CNTNAP5: variants seen among roughly 807,000 people sequenced by gnomAD.
CNTNAP5 encodes the protein contactin associated protein family member 5.
In CNTNAP5, 72 loss-of-function variants were observed where a neutral mutation model predicts 150.2. The observed-to-expected ratio is 0.48, with a 90% confidence interval of 0.40 to 0.58. The LOEUF (loss-of-function observed/expected upper bound fraction) is 0.58. Ranked by LOEUF, CNTNAP5 falls within the 20% of genes least tolerant of loss-of-function variation. CNTNAP5 has a pLI of 0.00. For synonymous variants in CNTNAP5, 672 were observed against 619.8 expected, an observed-to-expected ratio of 1.08 and a Z score of -1.25; for missense variants, 1,636 against 1,626.2, an observed-to-expected ratio of 1.01 and a Z score of -0.10.
At chr2:124,511,943 G>A (rs1329368167) in intron 8 of CNTNAP5, among the ~76,000 whole-genome samples, 1 of 125,452 alleles carries the variant, frequency 8.0e-6, no homozygotes, top group Non-Finnish European at 1.7e-5. Flanking sequence ...TTTTTTTTTT[G>A]CAACCTTCCT....
intron 19 of CNTNAP5, among the ~76,000 whole-genome samples, chr2:124,815,492 G>C (rs1305777269): frequency 6.6e-6 from 1 of 152,112 alleles, no homozygotes; most frequent in Admixed American, 6.6e-5. Flanking sequence ...ATAGAAATGG[G>C]CTATCGGAAA....
intron 19 of CNTNAP5, among the ~76,000 whole-genome samples, chr2:124,820,490 T>G (rs1489367342): frequency 2.0e-5 from 3 of 147,224 alleles, no homozygotes; most frequent in Non-Finnish European, 3.0e-5. Flanking sequence ...ACAATAAAAA[T>G]GCAGCGAATT....
chr2:124,847,115 T>G (rs1239392030), intron 19 of CNTNAP5, among the ~76,000 whole-genome samples: 1 of 152,218 alleles, frequency 6.6e-6, no homozygotes, highest in South Asian at 2.1e-4. Flanking sequence ...GGATGCATTC[T>G]TGCCTTAGGA....
At chr2:124,506,294 G>C (rs1428698147) in intron 8 of CNTNAP5, among the ~76,000 whole-genome samples, 1 of 151,920 alleles carries the variant, frequency 6.6e-6, no homozygotes. Context: ...TTGTATCGCA[G>C]ATTCCAGGAG....
chr2:124,388,668 C>A (rs1690996872), intron 3 of CNTNAP5, among the ~76,000 whole-genome samples: 1 of 152,160 alleles, frequency 6.6e-6, no homozygotes, highest in Admixed American at 6.6e-5. Context: ...TGACTTCAAG[C>A]ACCAAGCACG....
intron 17 of CNTNAP5, chr2:124,778,504 C>T (rs1681375559): frequency 6.5e-6 from 1 of 153,218 alleles, no homozygotes; most frequent in South Asian, 2.1e-4. Flanking sequence ...GGTGGCCTTG[C>T]TTCAGTTTCA....
At position 124,295,913 on chromosome 2, in the gene CNTNAP5, A is replaced by T. The variant is rs1688418136; in HGVS notation, c.381+53520A>T. ...TCCAAGAGGTAATCATCTGCAAGAA[A>T]TAAGTGATTAAAGGAATTCTTTAGG... On this transcript the variant is annotated intron_variant, in intron 3 of 23. Transcript: ENST00000682447. Among the ~76,000 whole-genome samples, 3 of 152,226 alleles carry T rather than the reference A, an allele frequency of 2.0e-5. No homozygotes were observed. The South Asian group carries it at 6.2e-4, about 32-fold the overall frequency.
intron 1 of CNTNAP5, among the ~76,000 whole-genome samples, chr2:124,070,182 C>G (rs776470347): frequency 6.6e-6 from 1 of 151,430 alleles, no homozygotes; most frequent in Non-Finnish European, 1.5e-5. Flanking sequence ...AAACATACAA[C>G]AAATACATAA....
chr2:124,114,637 A>G (rs544634910), intron 1 of CNTNAP5, among the ~76,000 whole-genome samples: 10 of 151,888 alleles, frequency 6.6e-5, no homozygotes, highest in Middle Eastern at 3.8e-3. Context: ...ATTGAAAAGG[A>G]CCTTCAGTAC....
At chr2:124,471,682 A>G (rs2104830682) in intron 6 of CNTNAP5, among the ~76,000 whole-genome samples, 1 of 152,230 alleles carries the variant, frequency 6.6e-6, no homozygotes, top group East Asian at 1.9e-4. Flanking sequence ...CCCATTCAGT[A>G]TGCTATTGGC....
intron 1 of CNTNAP5, among the ~76,000 whole-genome samples, chr2:124,077,797 C>T (rs918440469): frequency 2.0e-5 from 3 of 152,172 alleles, no homozygotes; most frequent in Non-Finnish European, 4.4e-5. Context: ...TCTAGTTTGT[C>T]ATACAACTTG....
At chr2:124,277,952 C>T (rs897611840) in intron 3 of CNTNAP5, among the ~76,000 whole-genome samples, 1 of 152,122 alleles carries the variant, frequency 6.6e-6, no homozygotes, top group African/African-American at 2.4e-5. Context: ...CCATCAAGTG[C>T]CCCTGTTCTC....
At chr2:124,894,335 A>G (rs1191084511) in intron 21 of CNTNAP5, among the ~76,000 whole-genome samples, 3 of 151,398 alleles carry the variant, frequency 2.0e-5, no homozygotes, top group Admixed American at 2.0e-4. Flanking sequence ...GCTTTGCTAA[A>G]AAACCTCTCT....
In CNTNAP5 at chr2:124,025,575, G is replaced by C; in HGVS notation, c.-76G>C. The C allele has an allele frequency of 1.5e-6, 2 of 1,297,502 alleles. No homozygotes were observed. Among genetic ancestry groups the C allele is most frequent in the South Asian group, 1.2e-5 (1 of 84,590 alleles). 80.4% of individuals were successfully genotyped at this position (1,297,502 alleles called of 1,614,324 possible). On this transcript the variant is annotated 5_prime_UTR_variant, in exon 1 of 24. Coordinates refer to ENST00000682447, the MANE Select transcript of CNTNAP5 (RefSeq NM_001367498.1). ...AGGGGGTCAGGCTGTGCAGAGGAGA[G>C]AGACAGCGAGAAGAAGCCGCGGCTG...
intron 13 of CNTNAP5, among the ~76,000 whole-genome samples, chr2:124,668,304 G>A (rs1678742200): frequency 6.6e-6 from 1 of 152,202 alleles, no homozygotes; most frequent in East Asian, 1.9e-4. Context: ...CCTTCTCCCT[G>A]AGGGAGGCAT....
chr2:124,384,347 T>A (rs1690878061), intron 3 of CNTNAP5, among the ~76,000 whole-genome samples: 1 of 152,274 alleles, frequency 6.6e-6, no homozygotes, highest in South Asian at 2.1e-4. Flanking sequence ...TATGGAAAAA[T>A]ATATACATTT....
rs142529794 is a variant in CNTNAP5, at chr2:124,280,046, A to G, written c.381+37653A>G. ...CTTCTAGAAATTTAGTGTTCTCTCA[A>G]CTATATCAGAAAATTCCTACTGCAT... On this transcript the variant is annotated intron_variant, in intron 3 of 23. Coordinates refer to ENST00000682447, the MANE Select transcript of CNTNAP5 (RefSeq NM_001367498.1). Among the ~76,000 whole-genome samples the G allele has an allele frequency of 2.8e-3, 428 of 152,162 alleles. 2 individuals are homozygous for G. The highest frequency in any genetic ancestry group is 9.7e-3 in the African/African-American group (401 of 41,530).
At position 124,373,303 on chromosome 2, in the gene CNTNAP5, T is replaced by C. The variant is rs147137846; in HGVS notation, c.382-44140T>C. Among the ~76,000 whole-genome samples the C allele has an allele frequency of 7.9e-5, 12 of 152,258 alleles. No homozygotes were observed. The East Asian group carries it at 2.3e-3, about 29-fold the overall frequency. Reference sequence around the variant, plus strand: ...AACAACAGAGGACTCAGGAAAGCACTGATTCTCATCCATTGAAAGGATCCT... The same window carrying C: ...AACAACAGAGGACTCAGGAAAGCACCGATTCTCATCCATTGAAAGGATCCT... On this transcript the variant is annotated intron_variant, in intron 3 of 23. Coordinates refer to ENST00000682447, the MANE Select transcript of CNTNAP5 (RefSeq NM_001367498.1).
intron 2 of CNTNAP5, among the ~76,000 whole-genome samples, chr2:124,239,591 G>A (rs950406685): frequency 6.6e-6 from 1 of 152,000 alleles, no homozygotes; most frequent in African/African-American, 2.4e-5. Context: ...GCAAAAATCA[G>A]AAGAGTATAA....
Sources: gnomAD v4.1 joint callset for allele counts (sites outside exome capture counted in the v4.1 genomes callset) on GRCh38, gnomAD v4.1.1 for gene constraint, MANE v1.5 for transcripts, NCBI Gene and HGNC (gene_info 2026-07-23, HGNC 2026-07-21) for gene names.